SPNS2: variants seen among roughly 807,000 people sequenced by gnomAD.
The protein encoded by SPNS2 is sphingosine-1-phosphate transporter SPNS2.
In SPNS2, 37 loss-of-function variants were observed where a neutral mutation model predicts 57.6. The ratio of observed to expected loss-of-function variants is 0.64; its 90% CI spans 0.49 to 0.85. SPNS2 has a LOEUF of 0.85. Among genes scored for constraint, SPNS2 ranks in the 40% least tolerant of loss-of-function variants. The probability of loss-of-function intolerance (pLI) is 0.00; values close to 1 mark genes in which losing one functional copy is unlikely to be tolerated. For missense variants in SPNS2, 831 were observed against 779.1 expected, an observed-to-expected ratio of 1.07 and a Z score of -0.79; for synonymous variants, 440 against 346.9, an observed-to-expected ratio of 1.27 and a Z score of -2.98.
intron 2 of SPNS2, among the ~76,000 whole-genome samples, chr17:4,520,165 G>A (rs778669710): frequency 2.6e-5 from 4 of 152,228 alleles, no homozygotes; most frequent in African/African-American, 4.8e-5. Flanking sequence ...AGGGATGGAC[G>A]TGGGGAGGAT....
chr17:4,536,601 C>A (rs1597372277), intron 11 of SPNS2, 175 bp downstream of exon 11: 1 of 816,968 alleles, frequency 1.2e-6, no homozygotes, highest in Non-Finnish European at 1.9e-6. Context: ...CAGCCTGGAG[C>A]TGTGGGAGGC....
chr17:4,532,696 G>C lies in SPNS2; in HGVS notation c.935+12G>C, dbSNP rs373984186. ...GCCCTGATTCGAAAGTGAGTACCGCGGGAAGGGGTCTGGTGGGAAGAGAGA... is the reference window on the plus strand; with the variant it reads ...GCCCTGATTCGAAAGTGAGTACCGCCGGAAGGGGTCTGGTGGGAAGAGAGA... On this transcript the variant is annotated intron_variant, in intron 6 of 12. Transcript: ENST00000329078. The C allele has an allele frequency of 1.8e-5, 29 of 1,612,764 alleles. No homozygotes were observed. Among genetic ancestry groups the C allele is most frequent in the Non-Finnish European group, 2.4e-5 (28 of 1,179,360 alleles).
In SPNS2 at chr17:4,536,096, G is replaced by A. The variant is rs751502474; in HGVS notation, c.1365G>A (p.Arg455=). ...CGCAGTACGTGGTCATCCCCACGCG[G>A]CGCGCCACTGCCGTGGCCTTGCAGA... ...DILMYVVIPT[R]RATAVALQSF... The change falls in exon 10 of 13, where the codon CGG becomes CGA. Residue 455 remains arginine, a synonymous_variant. Coordinates refer to ENST00000329078, the MANE Select transcript of SPNS2 (RefSeq NM_001124758.3). 3.2e-5 allele frequency: 52 copies of A among 1,611,906 alleles called. No individual in the cohort carries two copies. Among genetic ancestry groups the A allele is most frequent in the Non-Finnish European group, 4.2e-5 (49 of 1,179,768 alleles).
chr17:4,535,964 G>A (rs970138618), intron 9 of SPNS2, 112 bp from the exon 10 acceptor site: 16 of 829,090 alleles, frequency 1.9e-5, no homozygotes, highest in Non-Finnish European at 2.5e-5. Flanking sequence ...CAAGACGTAG[G>A]GCAGGAGTGA....
intron 1 of SPNS2, among the ~76,000 whole-genome samples, chr17:4,501,185 G>A (rs1232404711): frequency 6.6e-6 from 1 of 152,188 alleles, no homozygotes; most frequent in African/African-American, 2.4e-5. Flanking sequence ...CTGGGAGGAG[G>A]TCTTCCCACC....
chr17:4,516,334 A>AAAC (rs1904991046), intron 2 of SPNS2, among the ~76,000 whole-genome samples: 2 of 122,716 alleles, frequency 1.6e-5, no homozygotes, highest in African/African-American at 6.8e-5. Flanking sequence ...AAAAAAAAAA[A>AAAC]AAAAAAAAAC....
At chr17:4,528,377 G>A (rs1357111354) in intron 3 of SPNS2, among the ~76,000 whole-genome samples, 4 of 152,144 alleles carry the variant, frequency 2.6e-5, no homozygotes, top group Non-Finnish European at 4.4e-5. Context: ...CAGCATAAAT[G>A]GGTTTCAAAA....
intron 9 of SPNS2, among the ~76,000 whole-genome samples, chr17:4,535,030 C>T (rs1031094489): frequency 1.3e-5 from 2 of 152,222 alleles, no homozygotes; most frequent in African/African-American, 2.4e-5. Flanking sequence ...ACCTCTCCCG[C>T]AACGGGGTGC....
intron 9 of SPNS2, among the ~76,000 whole-genome samples, chr17:4,535,171 C>A (rs1284510475): frequency 6.6e-6 from 1 of 152,186 alleles, no homozygotes; most frequent in African/African-American, 2.4e-5. Flanking sequence ...CCCGCCCCCA[C>A]CCCAGCCCCT....
At chr17:4,501,244 C>T (rs897989177) in intron 1 of SPNS2, among the ~76,000 whole-genome samples, 3 of 152,138 alleles carry the variant, frequency 2.0e-5, no homozygotes, top group Admixed American at 2.0e-4. Context: ...CTGTAGCGCT[C>T]TCCAACTTGT....
intron 1 of SPNS2, among the ~76,000 whole-genome samples, chr17:4,507,307 C>G (rs1270617667): frequency 3.9e-5 from 6 of 152,232 alleles, no homozygotes; most frequent in Non-Finnish European, 8.8e-5. Flanking sequence ...TTGCTAGGCC[C>G]TGTCTTTCCA....
Position 4,530,694 on chromosome 17 carries a change from C to A in SPNS2, c.636C>A (p.Thr212=), listed in dbSNP as rs767685076. Residue 212 remains threonine (T), a synonymous_variant, in exon 4 of 13, where the codon ACC becomes ACA. Transcript: ENST00000329078. ...LVGIGEASYS[T]IAPTIIGDLF... ...GCATCGGGGAGGCCAGCTACTCCAC[C>A]ATCGCCCCCACTATCATTGGCGACC... is the stretch of plus-strand genomic sequence containing the variant. 7 of 1,614,018 alleles carry A rather than the reference C, an allele frequency of 4.3e-6. No homozygotes were observed. The South Asian group carries it at 7.7e-5, about 18-fold the overall frequency.
chr17:4,530,495 G>T (rs1392726284), intron 3 of SPNS2, 137 bp from the exon 4 acceptor site: 1 of 1,029,564 alleles, frequency 9.7e-7, no homozygotes, highest in Non-Finnish European at 1.4e-6. Flanking sequence ...CTTTACGGAG[G>T]TGCAGCCCAC....
chr17:4,533,926 G>T, intron 9 of SPNS2, 73 bp downstream of exon 9: 2 of 1,320,136 alleles, frequency 1.5e-6, no homozygotes, highest in Non-Finnish European at 2.2e-6. Context: ...TGCCTGGGGA[G>T]GGCGGGTGAA....
At chr17:4,523,457 C>A (rs995225746) in intron 2 of SPNS2, among the ~76,000 whole-genome samples, 2 of 151,864 alleles carry the variant, frequency 1.3e-5, no homozygotes, top group Admixed American at 1.3e-4. Context: ...AAATAAAACA[C>A]CAGCTAACTA....
At chr17:4,502,420 G>T (rs771984658) in intron 1 of SPNS2, among the ~76,000 whole-genome samples, 1 of 146,516 alleles carries the variant, frequency 6.8e-6, no homozygotes, top group Non-Finnish European at 1.5e-5. Flanking sequence ...ACATATGTAT[G>T]TTGTTAATGG....
chr17:4,501,710 G>A (rs1904519045), intron 1 of SPNS2, among the ~76,000 whole-genome samples: 1 of 152,146 alleles, frequency 6.6e-6, no homozygotes, highest in Non-Finnish European at 1.5e-5. Flanking sequence ...TAACTACTAT[G>A]GCTTGATGTG....
At chr17:4,521,468 GT>G in intron 2 of SPNS2, among the ~76,000 whole-genome samples, 1 of 152,226 alleles carries the variant, frequency 6.6e-6, no homozygotes, top group East Asian at 1.9e-4. Flanking sequence ...TGGGCAGGGT[GT>G]GGCATTAAGC....
rs1185237555 is a variant in SPNS2, at chr17:4,511,792, C to T, written c.371-1455C>T. Among the ~76,000 whole-genome samples the T allele has an allele frequency of 3.9e-5, 6 of 152,298 alleles. No homozygotes were observed. The highest frequency in any genetic ancestry group is 1.2e-4 in the African/African-American group (5 of 41,576). Reference sequence around the variant, plus strand: ...CTGGCTGTCAGGCTGCTGGGACATCCGCCCGTCTGTCCTGCATTCCGGGAA... The same window carrying T: ...CTGGCTGTCAGGCTGCTGGGACATCTGCCCGTCTGTCCTGCATTCCGGGAA... On this transcript the variant is annotated intron_variant, in intron 1 of 12. Transcript: ENST00000329078. The surrounding 1 kb of genome is among the most constrained non-coding windows in gnomAD (Gnocchi z 4.6).
Sources: gnomAD v4.1 joint callset for allele counts (sites outside exome capture counted in the v4.1 genomes callset) on GRCh38, gnomAD v4.1.1 for gene constraint, Gnocchi (gnomAD v3.1) non-coding constraint, MANE v1.5 for transcripts, NCBI Gene and HGNC (gene_info 2026-07-23, HGNC 2026-07-21) for gene names.